Variants in TMEM233 observed in about 807,000 individuals in gnomAD.
TMEM233 encodes dispanin subfamily B member 2.
In TMEM233, 6 loss-of-function variants were observed where a neutral mutation model predicts 11.2. The observed-to-expected ratio is 0.54, with a 90% confidence interval of 0.29 to 1.06. The LOEUF (loss-of-function observed/expected upper bound fraction) is 1.06, where lower values mean the gene tolerates loss of function less well. TMEM233 is among the 50% of genes least tolerant of loss of function. The pLI is 0.08. For missense variants in TMEM233, 127 were observed against 144.7 expected (o/e 0.88, Z 0.63); for synonymous variants, 59 against 55.8 (o/e 1.06, Z -0.26).
chr12:119,595,208 G>T lies in TMEM233; in HGVS notation c.186+1174G>T, dbSNP rs1470640751. 6.6e-6 allele frequency among the ~76,000 whole-genome samples: 1 copy of T among 152,206 alleles called. No individual in the cohort carries two copies. The highest frequency in any genetic ancestry group is 6.5e-5 in the Admixed American group (1 of 15,282). ...GGCCCGGGGGTGGCGGCGGGGTGAGGTTCGTACCGGCACTGTCCCGGGACA... is the reference window on the plus strand; with the variant it reads ...GGCCCGGGGGTGGCGGCGGGGTGAGTTTCGTACCGGCACTGTCCCGGGACA... On this transcript the variant is annotated intron_variant, in intron 1 of 2. Transcript: ENST00000426426. The surrounding 1 kb of genome is among the most constrained non-coding windows in gnomAD (Gnocchi z 4.3).
downstream of TMEM233, among the ~76,000 whole-genome samples, chr12:119,643,415 G>A (rs931480022): frequency 1.2e-4 from 18 of 152,362 alleles, no homozygotes; most frequent in Admixed American, 3.9e-4. Context: ...TGATGGGCTT[G>A]TCCAGAGCTT....
At chr12:119,646,145 C>T (rs935599953), downstream of TMEM233, among the ~76,000 whole-genome samples, 12 of 152,114 alleles carry the variant, frequency 7.9e-5, no homozygotes, top group African/African-American at 2.9e-4. Context: ...GCAACCTCCG[C>T]CTCCCAGGTT....
intron 1 of TMEM233, among the ~76,000 whole-genome samples, chr12:119,623,171 C>T (rs1031506609): frequency 2.6e-5 from 4 of 152,182 alleles, no homozygotes; most frequent in Non-Finnish European, 2.9e-5. Context: ...GTTCTTCCCA[C>T]TTTTTTGGTC....
In TMEM233 at chr12:119,640,850, G is replaced by GAAAAA; in HGVS notation, c.*147_*148insAAAAA. On this transcript the variant is annotated 3_prime_UTR_variant, in exon 3 of 3. Transcript: ENST00000426426. ...CTCCAGAGGCAGGTCCCTGGCAAATGAACAAGAAAAAAAAAAAAAAAAAGT... is the reference window on the plus strand; with the variant it reads ...CTCCAGAGGCAGGTCCCTGGCAAATGAAAAAAACAAGAAAAAAAAAAAAAAAAAGT... The GAAAAA allele has an allele frequency of 2.1e-6, 1 of 485,342 alleles. No homozygotes were observed. Among genetic ancestry groups the GAAAAA allele is most frequent in the South Asian group, 9.9e-5 (1 of 10,140 alleles). The allele number at this position is 485,342 out of a possible 1,614,324, so 30.1% of individuals were successfully genotyped here.
intron 2 of TMEM233, among the ~76,000 whole-genome samples, chr12:119,638,476 A>C (rs538758306): frequency 1.3e-5 from 2 of 152,020 alleles, no homozygotes; most frequent in African/African-American, 4.8e-5. Context: ...AAATTAAAAC[A>C]AAAAAATTTT....
At chr12:119,597,215 A>T (rs918485267) in intron 1 of TMEM233, among the ~76,000 whole-genome samples, 29 of 152,160 alleles carry the variant, frequency 1.9e-4, no homozygotes, top group African/African-American at 7.0e-4. Flanking sequence ...AGTCCTGGCA[A>T]TTTTCAACTC....
At chr12:119,630,702 G>A (rs994154518) in intron 2 of TMEM233, among the ~76,000 whole-genome samples, 2 of 152,194 alleles carry the variant, frequency 1.3e-5, no homozygotes, top group African/African-American at 4.8e-5. Flanking sequence ...ACTGCCTAGC[G>A]ACAAATGTCG....
chr12:119,613,213 CAAAAAAAAA>C (rs3077328), intron 1 of TMEM233, among the ~76,000 whole-genome samples: 1 of 122,312 alleles, frequency 8.2e-6, no homozygotes, highest in African/African-American at 3.1e-5. Flanking sequence ...AAGCCTGTTC[CAAAAAAAAA>C]AAAAAAAAGG....
intron 1 of TMEM233, among the ~76,000 whole-genome samples, chr12:119,606,211 A>G (rs2136691633): frequency 6.6e-6 from 1 of 152,344 alleles, no homozygotes; most frequent in Middle Eastern, 3.4e-3. Context: ...TCTACTTAAA[A>G]AGAGTTTCTT....
At chr12:119,599,176 C>T (rs1480188861) in intron 1 of TMEM233, among the ~76,000 whole-genome samples, 1 of 152,162 alleles carries the variant, frequency 6.6e-6, no homozygotes, top group East Asian at 1.9e-4. Flanking sequence ...CTGTTTTGCT[C>T]CCACCCCTTC....
chr12:119,595,332 T>G lies in TMEM233; in HGVS notation c.186+1298T>G, dbSNP rs894088504. On this transcript the variant is annotated intron_variant, in intron 1 of 2. Coordinates refer to ENST00000426426, the MANE Select transcript of TMEM233 (RefSeq NM_001136534.3). The surrounding 1 kb of genome is among the most constrained non-coding windows in gnomAD (Gnocchi z 4.3). ...GACGCAGAGCCCTGATTCAGCGCTG[T>G]GAAAATCGCTAGCCACCCGTCCCCC... is the stretch of plus-strand genomic sequence containing the variant. Among the ~76,000 whole-genome samples, 1 of 152,204 alleles carries G rather than the reference T, an allele frequency of 6.6e-6. No homozygotes were observed. The highest frequency in any genetic ancestry group is 1.5e-5 in the Non-Finnish European group (1 of 68,028).
At chr12:119,639,327 C>T (rs1955033358) in intron 2 of TMEM233, among the ~76,000 whole-genome samples, 1 of 151,712 alleles carries the variant, frequency 6.6e-6, no homozygotes, top group Non-Finnish European at 1.5e-5. Flanking sequence ...CTTAAGAGTG[C>T]CTATTTATGG....
rs373076839 is a variant in TMEM233, at chr12:119,628,563, G to A, written c.187-1173G>A. Among the ~76,000 whole-genome samples, 192 of 128,842 alleles carry A rather than the reference G, an allele frequency of 1.5e-3. 1 individual carries two copies. In the Admixed American group the frequency reaches 0.016, roughly 11 times the overall value. 84.5% of individuals were successfully genotyped at this position (128,842 alleles called of 152,430 possible). On this transcript the variant is annotated intron_variant, in intron 1 of 2. Transcript: ENST00000426426. Reference sequence around the variant, plus strand: ...CGCCCAGGCTGGAGTGCAGTGGCACGATCTTGGCTCACTGCAAGCTCCGCC... The same window carrying A: ...CGCCCAGGCTGGAGTGCAGTGGCACAATCTTGGCTCACTGCAAGCTCCGCC...
At chr12:119,647,786 C>T (rs966222668), downstream of TMEM233, among the ~76,000 whole-genome samples, 3 of 150,310 alleles carry the variant, frequency 2.0e-5, no homozygotes, top group African/African-American at 2.5e-5. Context: ...CCCCCACCCC[C>T]CCGACAGGCC....
At chr12:119,610,200 T>G (rs573014974) in intron 1 of TMEM233, among the ~76,000 whole-genome samples, 2 of 152,376 alleles carry the variant, frequency 1.3e-5, no homozygotes, top group South Asian at 4.1e-4. Context: ...GCATCCTTTG[T>G]TTTGGTCAAT....
chr12:119,647,917 A>C (rs1955176113), downstream of TMEM233, among the ~76,000 whole-genome samples: 1 of 151,998 alleles, frequency 6.6e-6, no homozygotes, highest in African/African-American at 2.4e-5. Flanking sequence ...AAAGCCCTAC[A>C]TGATCAGACC....
Position 119,640,767 on chromosome 12 carries a change from G to A in TMEM233, c.*62G>A. The A allele has an allele frequency of 6.5e-7, 1 of 1,544,578 alleles. No individual in the cohort carries two copies. The highest frequency in any genetic ancestry group is 1.4e-5 in the African/African-American group (1 of 72,724). On this transcript the variant is annotated 3_prime_UTR_variant, in exon 3 of 3. Transcript: ENST00000426426. ...GGACCTCATCCACACACACCCCAAA[G>A]GAGTTTCTAAGGAATGGATCCTTGA...
Position 119,594,026 on chromosome 12 carries a change from T to G in TMEM233, c.178T>G (p.Ser60Ala). Residue 60 changes from serine (S) to alanine (A), a missense_variant, in exon 1 of 3, where the codon TCC becomes GCC. Coordinates refer to ENST00000426426, the MANE Select transcript of TMEM233 (RefSeq NM_001136534.3). This position sits in a 1 kb window ranked among gnomAD's most constrained non-coding sequence, Gnocchi z 5.6. Reference protein sequence around the residue: ...YPINIVALVFSIMSLNSYNDG... With the variant: ...YPINIVALVFAIMSLNSYNDG... Reference sequence around the variant, plus strand: ...CATCAACATCGTGGCTTTGGTCTTTTCCATCATGGTGAGTGAATCACGGCC... The same window carrying G: ...CATCAACATCGTGGCTTTGGTCTTTGCCATCATGGTGAGTGAATCACGGCC... The G allele has an allele frequency of 6.4e-7, 1 of 1,551,566 alleles. No individual in the cohort carries two copies. The highest frequency in any genetic ancestry group is 1.2e-5 in the South Asian group (1 of 84,056).
the TMEM233 span, among the ~76,000 whole-genome samples, chr12:119,649,857 A>AAAAT: frequency 6.8e-6 from 1 of 146,902 alleles, no homozygotes; most frequent in East Asian, 1.9e-4. Flanking sequence ...TAACTATTAA[A>AAAAT]AAAAAAAAAA....
Sources: gnomAD v4.1 joint callset for allele counts (sites outside exome capture counted in the v4.1 genomes callset) on GRCh38, gnomAD v4.1.1 for gene constraint, Gnocchi (gnomAD v3.1) non-coding constraint, MANE v1.5 for transcripts, NCBI Gene and HGNC (gene_info 2026-07-23, HGNC 2026-07-21) for gene names.